Variants in RELN observed in about 807,000 individuals in gnomAD.
RELN encodes the protein reelin.
In RELN, 108 loss-of-function variants were observed where a neutral mutation model predicts 427.6. The ratio of observed to expected loss-of-function variants is 0.25; its 90% CI spans 0.22 to 0.30. The LOEUF is 0.30. Among genes scored for constraint, RELN ranks in the 10% least tolerant of loss-of-function variants. RELN has a pLI of 1.00. For synonymous variants in RELN, 1,524 were observed against 1,513.4 expected (o/e 1.01, Z -0.16); for missense variants, 3,715 against 4,302.8 (o/e 0.86, Z 3.82).
At chr7:103,948,695 T>G (rs1170224742) in intron 1 of RELN, among the ~76,000 whole-genome samples, 1 of 152,006 alleles carries the variant, frequency 6.6e-6, no homozygotes, top group East Asian at 1.9e-4. Context: ...TTTGGGCATT[T>G]CACATCAGGT....
intron 4 of RELN, among the ~76,000 whole-genome samples, chr7:103,770,300 C>G (rs148355848): frequency 1.3e-4 from 20 of 152,080 alleles, no homozygotes; most frequent in African/African-American, 4.6e-4. Flanking sequence ...TAGCCAAGAT[C>G]GTCTCAATCT....
At chr7:103,885,627 T>C (rs561972989) in intron 2 of RELN, among the ~76,000 whole-genome samples, 1 of 152,110 alleles carries the variant, frequency 6.6e-6, no homozygotes, top group East Asian at 1.9e-4. Flanking sequence ...TTAGGAGAAA[T>C]ACGTAATGTA....
intron 57 of RELN, among the ~76,000 whole-genome samples, chr7:103,495,013 CAGAGT>C (rs1562850754): frequency 6.6e-6 from 1 of 151,942 alleles, no homozygotes; most frequent in Non-Finnish European, 1.5e-5. Context: ...GATAGTGTTA[CAGAGT>C]AGAGATAGAA....
At chr7:103,478,315 C>A in intron 64 of RELN, 74 bp downstream of exon 64, 2 of 649,840 alleles carry the variant, frequency 3.1e-6, no homozygotes, top group Non-Finnish European at 2.8e-6. Context: ...CTTTACAAAA[C>A]TTCTCAGTTA....
chr7:103,801,598 G>A (rs1448328712), intron 3 of RELN, among the ~76,000 whole-genome samples: 3 of 152,046 alleles, frequency 2.0e-5, no homozygotes, highest in Non-Finnish European at 4.4e-5. Context: ...GGGGCAGGGA[G>A]AGGGATAGCA....
intron 37 of RELN, 40 bp downstream of exon 37, chr7:103,557,925 G>A (rs1420830465): frequency 1.1e-6 from 1 of 938,320 alleles, no homozygotes; most frequent in Non-Finnish European, 1.8e-6. Flanking sequence ...ATTGCACAGG[G>A]GAGAATTCTC....
At chr7:103,866,390 G>A (rs984442656) in intron 2 of RELN, among the ~76,000 whole-genome samples, 2 of 151,942 alleles carry the variant, frequency 1.3e-5, no homozygotes, top group Non-Finnish European at 2.9e-5. Context: ...ACTTGCTTTC[G>A]GGTATGTTTG....
intron 2 of RELN, among the ~76,000 whole-genome samples, chr7:103,838,125 C>T (rs1460662539): frequency 1.5e-5 from 2 of 136,454 alleles, no homozygotes; most frequent in Non-Finnish European, 3.0e-5. Flanking sequence ...AGGAGAATGG[C>T]GTGAACCTGG....
chr7:103,887,492 A>C (rs930397721), intron 2 of RELN, among the ~76,000 whole-genome samples: 5 of 152,198 alleles, frequency 3.3e-5, no homozygotes, highest in Non-Finnish European at 5.9e-5. Flanking sequence ...GGGAAATTAC[A>C]TAAGGGACAT....
chr7:103,540,262 T>A lies in RELN; in HGVS notation c.6865A>T (p.Thr2289Ser), dbSNP rs1562879867. Residue 2289 changes from threonine (T) to serine (S), a missense_variant, in exon 44 of 65, where the codon ACT becomes TCT. This residue lies in a region of RELN where 1,310 missense variants were observed against 1,643.0 expected (regional missense o/e 0.80). Coordinates refer to ENST00000428762, the MANE Select transcript of RELN (RefSeq NM_005045.4). The stretch of plus-strand genomic sequence containing the variant: ...GACGGTTGCCACCAGCGAAGGCGAG[T>A]AGAACCAGAACGGGCTTTCAAGGGT... ...EIPLKARSGS[T>S]RLRWWQPSEN... 2 of 1,613,998 alleles carry A rather than the reference T, an allele frequency of 1.2e-6. No homozygotes were observed. The highest frequency in any genetic ancestry group is 4.5e-5 in the East Asian group (2 of 44,872).
At chr7:103,828,847 GAA>G (rs1228294939) in intron 3 of RELN, among the ~76,000 whole-genome samples, 4 of 152,054 alleles carry the variant, frequency 2.6e-5, no homozygotes, top group Admixed American at 2.0e-4. Context: ...GGGCCACCTT[GAA>G]AAGTTAGAGA....
chr7:103,773,426 C>G (rs1180468158), intron 4 of RELN, among the ~76,000 whole-genome samples: 1 of 46,294 alleles, frequency 2.2e-5, no homozygotes. Flanking sequence ...TCCCTCGCTC[C>G]CTCTCTCTCT....
intron 53 of RELN, among the ~76,000 whole-genome samples, chr7:103,499,940 C>T (rs1431844540): frequency 6.6e-6 from 1 of 152,176 alleles, no homozygotes; most frequent in Non-Finnish European, 1.5e-5. Flanking sequence ...GTACTTACAT[C>T]TTCAGACACA....
intron 6 of RELN, among the ~76,000 whole-genome samples, chr7:103,733,171 T>C (rs28714241): frequency 0.014 from 2,118 of 152,116 alleles, 57 homozygotes; most frequent in African/African-American, 0.049. Context: ...TTTATGCAGC[T>C]AAAAAACACA....
At chr7:103,691,655 G>A (rs890122242) in intron 10 of RELN, among the ~76,000 whole-genome samples, 9 of 151,800 alleles carry the variant, frequency 5.9e-5, no homozygotes, top group African/African-American at 2.2e-4. Flanking sequence ...TTTACTAAAA[G>A]TACAAAACTT....
chr7:103,699,858 G>C (rs1302360167), intron 9 of RELN, among the ~76,000 whole-genome samples: 1 of 152,042 alleles, frequency 6.6e-6, no homozygotes, highest in East Asian at 1.9e-4. Context: ...TCCTGACACA[G>C]AGAGAGACAA....
chr7:103,686,057 T>A (rs1336262823), intron 10 of RELN, among the ~76,000 whole-genome samples: 1 of 152,186 alleles, frequency 6.6e-6, no homozygotes, highest in African/African-American at 2.4e-5. Context: ...CTTAATATGA[T>A]CTCCCTGGGG....
chr7:103,530,455 C>T lies in RELN; in HGVS notation c.7349+4861G>A, dbSNP rs562596171. On this transcript the variant is annotated intron_variant, in intron 46 of 64. Transcript: ENST00000428762. ...AAGTTATTGTCACAACACCTTTGCACCCTCCTCTTATGTGAATCTGTCTGT... is the reference window on the plus strand; with the variant it reads ...AAGTTATTGTCACAACACCTTTGCATCCTCCTCTTATGTGAATCTGTCTGT... Among the ~76,000 whole-genome samples the T allele has an allele frequency of 7.9e-5, 12 of 152,336 alleles. No individual in the cohort carries two copies. In the South Asian group the frequency reaches 2.5e-3, roughly 32 times the overall value.
At chr7:103,950,790 T>C (rs933210392) in intron 1 of RELN, among the ~76,000 whole-genome samples, 5 of 152,236 alleles carry the variant, frequency 3.3e-5, no homozygotes, top group Non-Finnish European at 7.3e-5. Context: ...GATAACACCA[T>C]GATCTATTCC....
Sources: gnomAD v4.1 joint callset for allele counts (sites outside exome capture counted in the v4.1 genomes callset) on GRCh38, gnomAD v4.1.1 for gene constraint, gnomAD v4.1.1 regional missense constraint, MANE v1.5 for transcripts, NCBI Gene and HGNC (gene_info 2026-07-23, HGNC 2026-07-21) for gene names.